The following CDH13 variants were observed in gnomAD, a reference collection of about 807,000 sequenced individuals.
CDH13 encodes cadherin 13.
In CDH13, 24 loss-of-function variants were observed where a neutral mutation model predicts 63.8. The ratio of observed to expected loss-of-function variants is 0.38; its 90% CI spans 0.27 to 0.53. The LOEUF (loss-of-function observed/expected upper bound fraction) is 0.53, where lower values mean the gene tolerates loss of function less well. Ranked by LOEUF, CDH13 falls within the 20% of genes least tolerant of loss-of-function variation. CDH13 has a pLI of 0.85. For synonymous variants in CDH13, 503 were observed against 355.3 expected (o/e 1.42, Z -4.67); for missense variants, 1,049 against 903.1 (o/e 1.16, Z -2.07).
intron 1 of CDH13, among the ~76,000 whole-genome samples, chr16:82,720,056 A>G (rs1485959692): frequency 6.6e-6 from 1 of 152,162 alleles, no homozygotes; most frequent in Non-Finnish European, 1.5e-5. Flanking sequence ...GACCCAAAAC[A>G]CTTCTAATAT....
intron 8 of CDH13, among the ~76,000 whole-genome samples, chr16:83,620,705 G>C (rs371453565): frequency 9.9e-5 from 15 of 152,184 alleles, no homozygotes; most frequent in East Asian, 3.9e-4. Context: ...ACGTAGATGA[G>C]GAAACTGAGG....
chr16:83,008,815 A>G (rs1913816487), intron 2 of CDH13, among the ~76,000 whole-genome samples: 1 of 152,194 alleles, frequency 6.6e-6, no homozygotes, highest in African/African-American at 2.4e-5. Flanking sequence ...GCTAATAAAG[A>G]CATGCCCAAG....
intron 2 of CDH13, among the ~76,000 whole-genome samples, chr16:82,972,634 A>G (rs975023295): frequency 6.6e-6 from 1 of 152,232 alleles, no homozygotes; most frequent in African/African-American, 2.4e-5. Flanking sequence ...ATTGCCAAGG[A>G]TAGTGCCTGT....
At chr16:83,316,487 G>C (rs2090108088) in intron 5 of CDH13, among the ~76,000 whole-genome samples, 1 of 152,174 alleles carries the variant, frequency 6.6e-6, no homozygotes, top group Admixed American at 6.5e-5. Context: ...CAGCATGGTG[G>C]GGGATGCTGG....
chr16:83,563,570 A>C (rs1378578777), intron 7 of CDH13, among the ~76,000 whole-genome samples: 2 of 152,156 alleles, frequency 1.3e-5, no homozygotes, highest in African/African-American at 4.8e-5. Context: ...ACTGTAATCA[A>C]TGTGCTTGAT....
chr16:83,174,083 G>A (rs1170290132), intron 4 of CDH13, among the ~76,000 whole-genome samples: 1 of 152,060 alleles, frequency 6.6e-6, no homozygotes, highest in Non-Finnish European at 1.5e-5. Context: ...CTGATGCCTT[G>A]AGGCTGGTCA....
chr16:83,249,381 G>T (rs1905267461), intron 5 of CDH13, among the ~76,000 whole-genome samples: 1 of 152,176 alleles, frequency 6.6e-6, no homozygotes, highest in African/African-American at 2.4e-5. Flanking sequence ...ACCAAGGATT[G>T]TCTTACTTCT....
intron 3 of CDH13, among the ~76,000 whole-genome samples, chr16:83,066,185 G>A (rs1030515957): frequency 2.6e-5 from 4 of 152,160 alleles, no homozygotes; most frequent in Non-Finnish European, 5.9e-5. Context: ...AAGCACTTTG[G>A]CTTTTTCTCA....
intron 2 of CDH13, among the ~76,000 whole-genome samples, chr16:82,959,585 A>T (rs1906646056): frequency 6.6e-6 from 1 of 151,724 alleles, no homozygotes; most frequent in African/African-American, 2.4e-5. Flanking sequence ...TCTCCTTTGC[A>T]CTCTTTTCGA....
chr16:83,718,196 A>G (rs959090149), intron 10 of CDH13, among the ~76,000 whole-genome samples: 6 of 152,194 alleles, frequency 3.9e-5, no homozygotes, highest in Admixed American at 3.9e-4. Flanking sequence ...TGCATTGTCC[A>G]TCCAGCCACC....
intron 2 of CDH13, among the ~76,000 whole-genome samples, chr16:82,997,218 A>G (rs1290551837): frequency 6.6e-6 from 1 of 151,816 alleles, no homozygotes; most frequent in African/African-American, 2.4e-5. Context: ...AATGATGGTA[A>G]TGGGTGGTAA....
At chr16:83,388,832 T>G (rs750321201) in intron 6 of CDH13, among the ~76,000 whole-genome samples, 2 of 152,152 alleles carry the variant, frequency 1.3e-5, no homozygotes, top group Non-Finnish European at 2.9e-5. Flanking sequence ...TCTTAGAAAT[T>G]CAGAATCTAA....
intron 5 of CDH13, among the ~76,000 whole-genome samples, chr16:83,333,248 G>A (rs947915928): frequency 6.6e-6 from 1 of 152,056 alleles, no homozygotes; most frequent in Non-Finnish European, 1.5e-5. Context: ...CAAGTTGTTG[G>A]CGTCAGAGAG....
intron 4 of CDH13, among the ~76,000 whole-genome samples, chr16:83,208,729 G>A (rs1597518190): frequency 6.6e-6 from 1 of 152,286 alleles, no homozygotes; most frequent in East Asian, 1.9e-4. Context: ...TTATTTCCTA[G>A]TTTTGCACCC....
intron 5 of CDH13, among the ~76,000 whole-genome samples, chr16:83,300,400 T>G (rs1446258620): frequency 2.0e-5 from 3 of 152,268 alleles, no homozygotes; most frequent in Non-Finnish European, 2.9e-5. Flanking sequence ...CATACAGTTC[T>G]GTGTCAATAT....
chr16:82,827,717 C>G (rs1444520641), intron 1 of CDH13, among the ~76,000 whole-genome samples: 1 of 152,148 alleles, frequency 6.6e-6, no homozygotes, highest in Non-Finnish European at 1.5e-5. Flanking sequence ...CATAAAGATT[C>G]TCAGCATGAA....
intron 4 of CDH13, among the ~76,000 whole-genome samples, chr16:83,179,103 T>C (rs1054273671): frequency 6.6e-6 from 1 of 152,136 alleles, no homozygotes; most frequent in African/African-American, 2.4e-5. Flanking sequence ...TCAGAGCAAA[T>C]GTGGTGGTGG....
intron 7 of CDH13, among the ~76,000 whole-genome samples, chr16:83,602,100 ACAACAAC>A (rs1567797505): frequency 6.2e-3 from 277 of 44,786 alleles, no homozygotes; most frequent in African/African-American, 0.024. Context: ...AAAAAAAAGA[ACAACAAC>A]AAAAAAAAAA....
At chr16:83,074,866 AAG>A (rs2032708480) in intron 3 of CDH13, among the ~76,000 whole-genome samples, 1 of 152,220 alleles carries the variant, frequency 6.6e-6, no homozygotes, top group Admixed American at 6.5e-5. Context: ...GACTGTCTGA[AAG>A]ACGCAAAATT....
Sources: gnomAD v4.1 joint callset for allele counts (sites outside exome capture counted in the v4.1 genomes callset) on GRCh38, gnomAD v4.1.1 for gene constraint, MANE v1.5 for transcripts, NCBI Gene and HGNC (gene_info 2026-07-23, HGNC 2026-07-21) for gene names.